GABBR2: variants seen among roughly 807,000 people sequenced by gnomAD.
GABBR2 encodes the protein G-protein coupled receptor 51.
Under a neutral mutation model 105.6 loss-of-function variants are expected in GABBR2, and 23 were observed. The ratio of observed to expected loss-of-function variants is 0.22; its 90% CI spans 0.16 to 0.31. The LOEUF (loss-of-function observed/expected upper bound fraction) is 0.31, where lower values mean the gene tolerates loss of function less well. GABBR2 is among the 10% of genes least tolerant of loss of function. The pLI, the probability that GABBR2 is intolerant of heterozygous loss-of-function variation, is 1.00. For synonymous variants in GABBR2, 478 were observed against 499.7 expected (o/e 0.96, Z 0.58); for missense variants, 734 against 1,245.5 (o/e 0.59, Z 6.18).
At chr9:98,368,482 G>A (rs1216460918) in intron 12 of GABBR2, among the ~76,000 whole-genome samples, 1 of 152,128 alleles carries the variant, frequency 6.6e-6, no homozygotes, top group Admixed American at 6.5e-5. Flanking sequence ...AGCTCAGGCA[G>A]TGCAGGAGGA....
chr9:98,604,799 C>T (rs1829388435), intron 1 of GABBR2, among the ~76,000 whole-genome samples: 1 of 152,196 alleles, frequency 6.6e-6, no homozygotes, highest in Non-Finnish European at 1.5e-5. Flanking sequence ...ACCCACTTTA[C>T]TAATGGCAAA....
At chr9:98,419,160 G>T (rs1832738935) in intron 7 of GABBR2, among the ~76,000 whole-genome samples, 1 of 152,216 alleles carries the variant, frequency 6.6e-6, no homozygotes, top group Admixed American at 6.5e-5. Context: ...CAGGCGCCAG[G>T]CAAGGGAGCT....
chr9:98,497,180 T>A (rs1408651805), intron 3 of GABBR2, among the ~76,000 whole-genome samples: 1 of 152,174 alleles, frequency 6.6e-6, no homozygotes, highest in Non-Finnish European at 1.5e-5. Context: ...GACGGGGGGC[T>A]TGCTTGAGCC....
chr9:98,614,626 G>C (rs1829553439), intron 1 of GABBR2, among the ~76,000 whole-genome samples: 1 of 152,116 alleles, frequency 6.6e-6, no homozygotes, highest in African/African-American at 2.4e-5. Context: ...TCTACATAAA[G>C]CTTAAAAATA....
At chr9:98,303,888 T>C (rs886691600) in intron 15 of GABBR2, among the ~76,000 whole-genome samples, 1 of 152,254 alleles carries the variant, frequency 6.6e-6, no homozygotes, top group Non-Finnish European at 1.5e-5. Context: ...AAAAGCTTGT[T>C]TTTTAGCAGC....
At chr9:98,594,604 G>A (rs1057354196) in intron 1 of GABBR2, among the ~76,000 whole-genome samples, 1 of 152,296 alleles carries the variant, frequency 6.6e-6, no homozygotes, top group South Asian at 2.1e-4. Flanking sequence ...GAGCATAACC[G>A]CCTCTGGGGA....
chr9:98,425,232 G>A (rs576197434), intron 7 of GABBR2, among the ~76,000 whole-genome samples: 5 of 152,214 alleles, frequency 3.3e-5, no homozygotes, highest in African/African-American at 4.8e-5. Flanking sequence ...GTGAATGAAT[G>A]AATGAATGAA....
chr9:98,605,621 G>A (rs75612241), intron 1 of GABBR2, among the ~76,000 whole-genome samples: 1,945 of 152,246 alleles, frequency 0.013, 45 homozygotes, highest in African/African-American at 0.044. Context: ...GTGCCTCTAG[G>A]ATACCCTGCA....
At chr9:98,596,722 T>C (rs1038269026) in intron 1 of GABBR2, among the ~76,000 whole-genome samples, 1 of 152,208 alleles carries the variant, frequency 6.6e-6, no homozygotes, top group Admixed American at 6.5e-5. Context: ...CCCAGGGCTC[T>C]GTTTCCATCC....
chr9:98,293,145 G>A (rs1830327575), intron 18 of GABBR2, among the ~76,000 whole-genome samples: 1 of 152,198 alleles, frequency 6.6e-6, no homozygotes, highest in African/African-American at 2.4e-5. Flanking sequence ...TGCTTCCAAT[G>A]TGCTATAAGA....
At chr9:98,492,815 T>C (rs911760909) in intron 4 of GABBR2, among the ~76,000 whole-genome samples, 1 of 152,216 alleles carries the variant, frequency 6.6e-6, no homozygotes. Context: ...CATCATATCA[T>C]GTCAAGGGAG....
chr9:98,557,676 C>G (rs985279022), intron 2 of GABBR2, among the ~76,000 whole-genome samples: 20 of 152,188 alleles, frequency 1.3e-4, no homozygotes, highest in African/African-American at 3.4e-4. Context: ...AGGGAGCATA[C>G]TCAGTGACTT....
intron 11 of GABBR2, among the ~76,000 whole-genome samples, chr9:98,381,718 G>C (rs1831979780): frequency 6.6e-6 from 1 of 152,162 alleles, no homozygotes; most frequent in Non-Finnish European, 1.5e-5. Context: ...TTAATTCTCA[G>C]GGGCAGCAAG....
chr9:98,292,830 A>G (rs1320860296), intron 18 of GABBR2, among the ~76,000 whole-genome samples: 4 of 152,212 alleles, frequency 2.6e-5, no homozygotes, highest in Non-Finnish European at 4.4e-5. Context: ...TCAAGAACCT[A>G]TTCACTGGCA....
At chr9:98,598,245 C>G (rs754023681) in intron 1 of GABBR2, among the ~76,000 whole-genome samples, 15 of 152,170 alleles carry the variant, frequency 9.9e-5, no homozygotes, top group Admixed American at 7.9e-4. Context: ...AGAGAGACAT[C>G]TTGGAGGAGC....
intron 7 of GABBR2, among the ~76,000 whole-genome samples, chr9:98,435,528 C>T (rs1825887083): frequency 6.6e-6 from 1 of 152,128 alleles, no homozygotes; most frequent in Non-Finnish European, 1.5e-5. Context: ...TTTGCTCTGA[C>T]CTGCTCTCCC....
chr9:98,627,973 A>G (rs1485668035), intron 1 of GABBR2, among the ~76,000 whole-genome samples: 1 of 152,266 alleles, frequency 6.6e-6, no homozygotes, highest in African/African-American at 2.4e-5. Flanking sequence ...TCTGCTGAAA[A>G]AAACAGTTTC....
At chr9:98,514,050 T>C (rs7390587) in intron 3 of GABBR2, among the ~76,000 whole-genome samples, 31,566 of 143,916 alleles carry the variant, frequency 0.22, 4,237 homozygotes, top group Non-Finnish European at 0.29. Context: ...GTGGCACATA[T>C]ACACCATGGA....
At chr9:98,666,115 C>T (rs1282162941) in intron 1 of GABBR2, among the ~76,000 whole-genome samples, 7 of 152,260 alleles carry the variant, frequency 4.6e-5, no homozygotes, top group East Asian at 1.9e-4. Context: ...TCTCACAGAC[C>T]GAATCACTCA....
Sources: gnomAD v4.1 joint callset for allele counts (sites outside exome capture counted in the v4.1 genomes callset) on GRCh38, gnomAD v4.1.1 for gene constraint, MANE v1.5 for transcripts, NCBI Gene and HGNC (gene_info 2026-07-23, HGNC 2026-07-21) for gene names.